Variants in CHRM5 observed in about 807,000 individuals in gnomAD.
CHRM5 encodes the protein muscarinic acetylcholine receptor M5.
A neutral mutation model predicts 39.0 loss-of-function variants in CHRM5; 18 were observed. That is an observed-to-expected ratio of 0.46 (90% CI 0.32 to 0.68). The LOEUF (loss-of-function observed/expected upper bound fraction) is 0.68, where lower values mean the gene tolerates loss of function less well. CHRM5 is among the 30% of genes least tolerant of loss of function. CHRM5 has a pLI of 0.04. For missense variants in CHRM5, 515 were observed against 651.1 expected (o/e 0.79, Z 2.28); for synonymous variants, 241 against 246.3 (o/e 0.98, Z 0.20).
intron 2 of CHRM5, among the ~76,000 whole-genome samples, chr15:34,053,715 C>T (rs1225875411): frequency 2.0e-5 from 3 of 152,024 alleles, no homozygotes; most frequent in Non-Finnish European, 4.4e-5. Context: ...AAACCCAAAA[C>T]TATAAAAACT....
chr15:34,004,332 C>G (rs1897250165), intron 1 of CHRM5, among the ~76,000 whole-genome samples: 1 of 151,966 alleles, frequency 6.6e-6, no homozygotes, highest in Non-Finnish European at 1.5e-5. Context: ...GTGAACAATT[C>G]TAGAAGATAA....
At chr15:33,981,503 A>G (rs1367788329) in intron 1 of CHRM5, among the ~76,000 whole-genome samples, 5 of 152,178 alleles carry the variant, frequency 3.3e-5, no homozygotes, top group Admixed American at 1.3e-4. Context: ...AATGGGGGGA[A>G]GGGGAGGAAA....
intron 2 of CHRM5, among the ~76,000 whole-genome samples, chr15:34,059,190 C>A (rs1232998691): frequency 2.6e-5 from 4 of 152,190 alleles, no homozygotes; most frequent in Non-Finnish European, 2.9e-5. Flanking sequence ...AGCCACCACA[C>A]CTGGCCTCCT....
At chr15:33,975,496 G>T (rs2036638891) in intron 1 of CHRM5, among the ~76,000 whole-genome samples, 1 of 152,054 alleles carries the variant, frequency 6.6e-6, no homozygotes, top group African/African-American at 2.4e-5. Context: ...CTATAATTTG[G>T]GTTGGAATAT....
chr15:34,018,328 A>G (rs912536007), intron 1 of CHRM5: 2 of 152,246 alleles, frequency 1.3e-5, no homozygotes, highest in African/African-American at 4.8e-5. Context: ...GAAGCCGCAG[A>G]CCGTCGCGGT....
intron 2 of CHRM5, among the ~76,000 whole-genome samples, chr15:34,055,485 A>G (rs961172195): frequency 6.6e-6 from 1 of 151,824 alleles, no homozygotes; most frequent in African/African-American, 2.4e-5. Context: ...AGCCTGGGCA[A>G]CAGAGTGAAA....
chr15:34,049,915 T>C (rs1899873377), intron 2 of CHRM5, among the ~76,000 whole-genome samples: 1 of 144,382 alleles, frequency 6.9e-6, no homozygotes, highest in Non-Finnish European at 1.5e-5. Flanking sequence ...TGAGACAGGA[T>C]CTCACTCCAT....
chr15:34,043,657 A>G (rs1207153643), intron 1 of CHRM5, among the ~76,000 whole-genome samples: 1 of 152,156 alleles, frequency 6.6e-6, no homozygotes, highest in Non-Finnish European at 1.5e-5. Flanking sequence ...TCATAAGGGT[A>G]CTTTGACTTG....
At chr15:33,982,705 C>CTAATTGTTTTGTATTTTT (rs1896207965) in intron 1 of CHRM5, among the ~76,000 whole-genome samples, 4 of 152,238 alleles carry the variant, frequency 2.6e-5, no homozygotes, top group South Asian at 4.2e-4. Flanking sequence ...CCAAGAACAG[C>CTAATTGTTTTGTATTTTT]AGTAAAGAAT....
intron 1 of CHRM5, among the ~76,000 whole-genome samples, chr15:33,979,167 C>T (rs898922405): frequency 6.6e-6 from 1 of 152,128 alleles, no homozygotes; most frequent in Non-Finnish European, 1.5e-5. Context: ...AGAGTCACCT[C>T]GTAAACCCCT....
chr15:34,007,956 C>T (rs1406808426), intron 1 of CHRM5, among the ~76,000 whole-genome samples: 1 of 152,168 alleles, frequency 6.6e-6, no homozygotes, highest in Non-Finnish European at 1.5e-5. Context: ...ATGAGTTATA[C>T]TGGATTAGGG....
At chr15:34,030,479 G>T (rs1898732119) in intron 1 of CHRM5, among the ~76,000 whole-genome samples, 1 of 152,018 alleles carries the variant, frequency 6.6e-6, no homozygotes, top group Non-Finnish European at 1.5e-5. Flanking sequence ...TCAAGTAGCT[G>T]GGACTACAGC....
chr15:33,991,073 C>T (rs915234290), intron 1 of CHRM5: 1 of 152,102 alleles, frequency 6.6e-6, no homozygotes, highest in African/African-American at 2.4e-5. Flanking sequence ...GATGCAACTC[C>T]TGATGACATA....
intron 2 of CHRM5, among the ~76,000 whole-genome samples, chr15:34,053,319 A>AAAAAATATATATAT (rs775436850): frequency 2.4e-5 from 1 of 42,070 alleles, no homozygotes; most frequent in African/African-American, 8.0e-5. Flanking sequence ...AAAAAAAAAA[A>AAAAAATATATATAT]ATATATATAT....
Position 33,980,794 on chromosome 15 carries a change from T to C in CHRM5, c.-408+11644T>C, listed in dbSNP as rs1896104230. Among the ~76,000 whole-genome samples the C allele has an allele frequency of 3.9e-5, 6 of 152,306 alleles. No individual in the cohort carries two copies. The South Asian group carries it at 1.2e-3, about 32-fold the overall frequency. ...TTAACTAGTTCCCAAATCCCATGTG[T>C]ACCATATGCAAAACATTATCAACAA... On this transcript the variant is annotated intron_variant, in intron 1 of 2. Transcript: ENST00000383263.
intron 1 of CHRM5, among the ~76,000 whole-genome samples, chr15:34,025,626 A>G (rs1468316306): frequency 3.9e-5 from 6 of 152,222 alleles, no homozygotes. Context: ...TGCAATGGTT[A>G]TAAAAGATTT....
chr15:34,057,650 A>T (rs548804937), intron 2 of CHRM5, among the ~76,000 whole-genome samples: 7 of 152,262 alleles, frequency 4.6e-5, no homozygotes, highest in Admixed American at 3.3e-4. Context: ...AGTAAGTTGG[A>T]GCCATATGTT....
At chr15:34,038,353 C>T (rs1001240698) in intron 1 of CHRM5, among the ~76,000 whole-genome samples, 1 of 152,224 alleles carries the variant, frequency 6.6e-6, no homozygotes, top group South Asian at 2.1e-4. Flanking sequence ...AATCCTTTCC[C>T]TCCTAATAAC....
chr15:33,990,908 A>G (rs1265721510), intron 1 of CHRM5: 1 of 152,252 alleles, frequency 6.6e-6, no homozygotes, highest in Non-Finnish European at 1.5e-5. Flanking sequence ...TGAACAAATC[A>G]AAGGCAGAAC....
Sources: allele counts gnomAD v4.1 joint callset (sites outside exome capture counted in the v4.1 genomes callset), GRCh38; gene constraint gnomAD v4.1.1; transcripts MANE v1.5; gene names NCBI Gene and HGNC (gene_info 2026-07-23, HGNC 2026-07-21).